FARP1: variants seen among roughly 807,000 people sequenced by gnomAD.
The protein encoded by FARP1 is FERM, ARHGEF and pleckstrin domain-containing protein 1.
A neutral mutation model predicts 128.8 loss-of-function variants in FARP1; 52 were observed. That is an observed-to-expected ratio of 0.40 (90% CI 0.32 to 0.51). The LOEUF is 0.51. Ranked by LOEUF, FARP1 falls within the 20% of genes least tolerant of loss-of-function variation. The pLI is 0.45. For synonymous variants in FARP1, 580 were observed against 551.8 expected, an observed-to-expected ratio of 1.05 and a Z score of -0.72; for missense variants, 1,333 against 1,367.9, an observed-to-expected ratio of 0.97 and a Z score of 0.40.
At chr13:98,286,418 T>C (rs1885169838) in intron 2 of FARP1, among the ~76,000 whole-genome samples, 1 of 152,206 alleles carries the variant, frequency 6.6e-6, no homozygotes, top group Non-Finnish European at 1.5e-5. Flanking sequence ...CCATGGGAGA[T>C]AATTGAATCA....
chr13:98,396,399 G>T (rs1446450043), intron 13 of FARP1: 2 of 399,124 alleles, frequency 5.0e-6, no homozygotes, highest in Non-Finnish European at 8.8e-6. Flanking sequence ...TGCGTTCCCC[G>T]TCCCTGCTGA....
chr13:98,211,430 A>G (rs1352190523), intron 1 of FARP1, among the ~76,000 whole-genome samples: 1 of 149,502 alleles, frequency 6.7e-6, no homozygotes, highest in East Asian at 1.9e-4. Context: ...TCATCCCGCA[A>G]CCATTGCCTC....
Position 98,453,261 on chromosome 13 carries a change from T to C in FARP1, c.*4944T>C. 8 of 1,577,218 alleles carry C rather than the reference T, an allele frequency of 5.1e-6. No homozygotes were observed. The highest frequency in any genetic ancestry group is 6.9e-6 in the Non-Finnish European group (8 of 1,162,762). ...CAACACATGTCATTTCTCATCCCTG[T>C]GCAAAAATTCATATAGTAACCAAAA... On this transcript the variant is annotated 3_prime_UTR_variant, in exon 27 of 27. Coordinates refer to ENST00000319562, the MANE Select transcript of FARP1 (RefSeq NM_005766.4).
At chr13:98,251,910 C>T (rs1383502641) in intron 2 of FARP1, among the ~76,000 whole-genome samples, 2 of 152,142 alleles carry the variant, frequency 1.3e-5, no homozygotes, top group Non-Finnish European at 1.5e-5. Context: ...TGCAGTGACG[C>T]AATCTTGGCT....
At chr13:98,241,120 T>G (rs1255633716) in intron 2 of FARP1, among the ~76,000 whole-genome samples, 1 of 152,226 alleles carries the variant, frequency 6.6e-6, no homozygotes, top group East Asian at 1.9e-4. Context: ...AACGAAATTC[T>G]TAAGTGCCAA....
chr13:98,221,985 T>C (rs1164234632), intron 2 of FARP1, among the ~76,000 whole-genome samples: 1 of 152,262 alleles, frequency 6.6e-6, no homozygotes, highest in African/African-American at 2.4e-5. Flanking sequence ...TCTATCACTT[T>C]GAGCATTTGA....
At chr13:98,270,846 G>A (rs572388700) in intron 2 of FARP1, among the ~76,000 whole-genome samples, 1 of 152,084 alleles carries the variant, frequency 6.6e-6, no homozygotes, top group Non-Finnish European at 1.5e-5. Flanking sequence ...GAACATTCAC[G>A]CAAGGCAGTG....
At chr13:98,325,642 G>A (rs892527975) in intron 2 of FARP1, among the ~76,000 whole-genome samples, 16 of 152,288 alleles carry the variant, frequency 1.1e-4, no homozygotes, top group East Asian at 3.9e-4. Flanking sequence ...TTACACAGCC[G>A]TGACAGAAGG....
intron 3 of FARP1, among the ~76,000 whole-genome samples, chr13:98,349,672 G>GAAAA (rs56376512): frequency 5.0e-4 from 30 of 59,852 alleles, no homozygotes; most frequent in African/African-American, 1.6e-3. Context: ...CCATCTCAGG[G>GAAAA]AAAAAAAAAA....
intron 23 of FARP1, 108 bp downstream of exon 23, chr13:98,440,343 C>T (rs2139118664): frequency 1.2e-6 from 1 of 813,950 alleles, no homozygotes; most frequent in Non-Finnish European, 2.1e-6. Context: ...CCGTGGTGTA[C>T]ATTTGTGTTT....
Position 98,431,180 on chromosome 13 carries a change from C to G in FARP1, c.2043C>G (p.Phe681Leu). 1 of 1,613,676 alleles carries G rather than the reference C, an allele frequency of 6.2e-7. No individual in the cohort carries two copies. The highest frequency in any genetic ancestry group is 8.5e-7 in the Non-Finnish European group (1 of 1,179,820). ...QKVCYLPLNT[F>L]LLRPLHRLMH... Reference sequence around the variant, plus strand: ...TGTGTTACCTACCGCTCAACACCTTCCTCCTGCGGCCACTGCACCGGCTCA... The same window carrying G: ...TGTGTTACCTACCGCTCAACACCTTGCTCCTGCGGCCACTGCACCGGCTCA... Residue 681 changes from phenylalanine (F) to leucine (L), a missense_variant, in exon 18 of 27, where the codon TTC becomes TTG. By Grantham distance (22) the Phe-to-Leu change is conservative (BLOSUM62 0). Coordinates refer to ENST00000319562, the MANE Select transcript of FARP1 (RefSeq NM_005766.4).
intron 2 of FARP1, among the ~76,000 whole-genome samples, chr13:98,321,986 T>C (rs1887011320): frequency 6.6e-6 from 1 of 152,164 alleles, no homozygotes; most frequent in Non-Finnish European, 1.5e-5. Flanking sequence ...TTAAAATGGG[T>C]ATTGTTTGAT....
chr13:98,305,996 A>G (rs1886136833), intron 2 of FARP1, among the ~76,000 whole-genome samples: 2 of 152,084 alleles, frequency 1.3e-5, no homozygotes, highest in Admixed American at 1.3e-4. Flanking sequence ...GTCTGTGTGG[A>G]GACTGAACTA....
chr13:98,166,554 C>G (rs375765675), intron 1 of FARP1, among the ~76,000 whole-genome samples: 7 of 152,024 alleles, frequency 4.6e-5, no homozygotes, highest in African/African-American at 1.7e-4. Context: ...AAGTAACTTG[C>G]CCAAGGTTCA....
chr13:98,370,908 A>G (rs1288580443), intron 5 of FARP1, among the ~76,000 whole-genome samples: 2 of 152,140 alleles, frequency 1.3e-5, no homozygotes, highest in Non-Finnish European at 2.9e-5. Context: ...CTACCTGCAT[A>G]GGAGGGACAG....
intron 1 of FARP1, among the ~76,000 whole-genome samples, chr13:98,210,912 C>T (rs755777845): frequency 2.0e-5 from 3 of 152,168 alleles, no homozygotes; most frequent in Non-Finnish European, 2.9e-5. Flanking sequence ...AGTTTTTCCA[C>T]AGAAGTAGAT....
At chr13:98,206,676 T>C (rs1880290287) in intron 1 of FARP1, among the ~76,000 whole-genome samples, 1 of 152,218 alleles carries the variant, frequency 6.6e-6, no homozygotes, top group Admixed American at 6.5e-5. Flanking sequence ...GAAGTCCTTA[T>C]AAGTCAGGAT....
intron 2 of FARP1, among the ~76,000 whole-genome samples, chr13:98,337,978 T>G (rs1887812944): frequency 6.6e-6 from 1 of 152,160 alleles, no homozygotes; most frequent in South Asian, 2.1e-4. Context: ...TTTTCGAAGA[T>G]CTCATGTAAA....
chr13:98,154,986 A>G (rs1876397134), intron 1 of FARP1, among the ~76,000 whole-genome samples: 1 of 152,174 alleles, frequency 6.6e-6, no homozygotes, highest in East Asian at 1.9e-4. Context: ...CTGAAGGTAG[A>G]GGATCGCTTG....
Sources: allele counts gnomAD v4.1 joint callset (sites outside exome capture counted in the v4.1 genomes callset), GRCh38; gene constraint gnomAD v4.1.1; transcripts MANE v1.5; gene names NCBI Gene and HGNC (gene_info 2026-07-23, HGNC 2026-07-21).